BIRC6: variants seen among roughly 807,000 people sequenced by gnomAD.
BIRC6 encodes baculoviral IAP repeat containing 6.
In BIRC6, 98 loss-of-function variants were observed where a neutral mutation model predicts 503.3. That is an observed-to-expected ratio of 0.19 (90% CI 0.17 to 0.23). The LOEUF is 0.23. BIRC6 is among the 10% of genes least tolerant of loss of function. BIRC6 has a pLI of 1.00. For synonymous variants in BIRC6, 2,240 were observed against 2,078.7 expected (o/e 1.08, Z -2.11); for missense variants, 5,360 against 5,806.0 (o/e 0.92, Z 2.50).
intron 53 of BIRC6, 49 bp from the exon 54 acceptor site, chr2:32,512,884 C>A (rs1296572833): frequency 6.9e-7 from 1 of 1,442,338 alleles, no homozygotes; most frequent in Non-Finnish European, 9.7e-7. Flanking sequence ...ATATGAAATG[C>A]CAATTGCACT....
intron 45 of BIRC6, among the ~76,000 whole-genome samples, chr2:32,497,028 A>G (rs1048439395): frequency 4.6e-5 from 7 of 152,186 alleles, no homozygotes; most frequent in African/African-American, 1.7e-4. Flanking sequence ...TAGATATGTG[A>G]TAGTAAGTTG....
At chr2:32,421,259 A>G (rs2042930083) in intron 10 of BIRC6, among the ~76,000 whole-genome samples, 1 of 151,662 alleles carries the variant, frequency 6.6e-6, no homozygotes, top group Admixed American at 6.6e-5. Context: ...GGCCCGAGCC[A>G]CCACGCCCAG....
intron 60 of BIRC6, among the ~76,000 whole-genome samples, chr2:32,530,878 A>C (rs2056687916): frequency 1.3e-5 from 2 of 152,212 alleles, no homozygotes; most frequent in African/African-American, 4.8e-5. Context: ...AGTTAAACTA[A>C]TATGGTATAA....
At chr2:32,397,693 TACACAC>T (rs148310332) in intron 6 of BIRC6, among the ~76,000 whole-genome samples, 22 of 144,722 alleles carry the variant, frequency 1.5e-4, no homozygotes, top group Admixed American at 6.2e-4. Flanking sequence ...CATATATATG[TACACAC>T]ACACACACAC....
In BIRC6 at chr2:32,618,090, G is replaced by A; in HGVS notation, c.*186G>A. ...CCTGTACAGGAGTGTAAACTTTTTT[G>A]TGCTTTTATTTTTCAATTGTGAGAA... On this transcript the variant is annotated 3_prime_UTR_variant, in exon 74 of 74. Coordinates refer to ENST00000421745, the MANE Select transcript of BIRC6 (RefSeq NM_016252.4). 1 of 506,000 alleles carries A rather than the reference G, an allele frequency of 2.0e-6. No homozygotes were observed. Among genetic ancestry groups the A allele is most frequent in the Non-Finnish European group, 3.2e-6 (1 of 312,422 alleles). 31.3% of individuals were successfully genotyped at this position (506,000 alleles called of 1,614,324 possible).
At chr2:32,414,668 AAAATAAAT>A (rs376508242) in intron 9 of BIRC6, 93 bp from the exon 10 acceptor site, 10 of 934,488 alleles carry the variant, frequency 1.1e-5, no homozygotes, top group South Asian at 6.4e-5. Context: ...ATTTGTCTCA[AAAATAAAT>A]AAATAAATAA....
chr2:32,481,287 T>C, intron 37 of BIRC6, 33 bp from the exon 38 acceptor site: 1 of 1,495,064 alleles, frequency 6.7e-7, no homozygotes, highest in Middle Eastern at 1.8e-4. Context: ...TGTGATACAC[T>C]CCACCAATAA....
At chr2:32,420,482 G>C (rs182368752) in intron 10 of BIRC6, among the ~76,000 whole-genome samples, 114 of 152,096 alleles carry the variant, frequency 7.5e-4, no homozygotes, top group African/African-American at 2.7e-3. Flanking sequence ...TTAGCGTAAA[G>C]AATTTCATAA....
chr2:32,581,754 T>C (rs924185149), intron 66 of BIRC6, among the ~76,000 whole-genome samples: 13 of 152,220 alleles, frequency 8.5e-5, no homozygotes, highest in African/African-American at 3.1e-4. Context: ...AATGAAACAC[T>C]GGAAAAATAA....
intron 1 of BIRC6, among the ~76,000 whole-genome samples, chr2:32,372,510 G>A (rs116501022): frequency 6.5e-4 from 99 of 151,966 alleles, no homozygotes; most frequent in African/African-American, 2.3e-3. Context: ...GTATTCCATC[G>A]TATTGATGCA....
chr2:32,518,229 C>G, intron 55 of BIRC6, 25 bp from the exon 56 acceptor site: 1 of 1,598,108 alleles, frequency 6.3e-7, no homozygotes, highest in Non-Finnish European at 8.5e-7. Flanking sequence ...TTGCATTTAA[C>G]TTTTTAAATA....
At chr2:32,397,003 C>T (rs1321002531) in intron 6 of BIRC6, among the ~76,000 whole-genome samples, 5 of 152,050 alleles carry the variant, frequency 3.3e-5, no homozygotes, top group African/African-American at 1.2e-4. Flanking sequence ...GTTGGGATTA[C>T]AGGCGTGAGC....
chr2:32,397,628 A>ATG lies in BIRC6; in HGVS notation c.1034+2037_1034+2038dup, dbSNP rs1553396756. ...TGTATATATGTGTGTATATATATATATGTATATATATACACACACACACAC... is the reference window on the plus strand; with the variant it reads ...TGTATATATGTGTGTATATATATATATGTGTATATATATACACACACACACAC... On this transcript the variant is annotated intron_variant, in intron 6 of 73. Transcript: ENST00000421745. Among the ~76,000 whole-genome samples, 1,052 of 138,390 alleles carry ATG rather than the reference A, an allele frequency of 7.6e-3. 9 individuals are homozygous for ATG. The highest frequency in any genetic ancestry group is 0.025 in the Middle Eastern group (6 of 244). The allele number at this position is 138,390 out of a possible 152,430, so 90.8% of individuals were successfully genotyped here.
At chr2:32,454,041 ATTGCTGTTAAG>A in intron 23 of BIRC6, 99 bp downstream of exon 23, 1 of 1,041,294 alleles carries the variant, frequency 9.6e-7, no homozygotes, top group Non-Finnish European at 1.3e-6. Context: ...TGTAATTTTC[ATTGCTGTTAAG>A]TGGAAATTTA....
intron 72 of BIRC6, among the ~76,000 whole-genome samples, chr2:32,610,683 C>A (rs1017949166): frequency 1.3e-5 from 2 of 152,146 alleles, no homozygotes; most frequent in Admixed American, 6.6e-5. Context: ...GGTCTCTGGA[C>A]AGGATTAATT....
intron 3 of BIRC6, among the ~76,000 whole-genome samples, chr2:32,388,081 C>T (rs959343516): frequency 6.6e-6 from 1 of 152,018 alleles, no homozygotes; most frequent in African/African-American, 2.4e-5. Context: ...ATTCTTTTAG[C>T]AATTTTGAAA....
intron 45 of BIRC6, 89 bp from the exon 46 acceptor site, chr2:32,499,458 C>A: frequency 8.5e-7 from 1 of 1,176,432 alleles, no homozygotes; most frequent in Non-Finnish European, 1.2e-6. Context: ...ACTTTCAGAA[C>A]TACTTAAAAT....
chr2:32,468,387 A>C, intron 28 of BIRC6, 50 bp from the exon 29 acceptor site: 1 of 1,401,230 alleles, frequency 7.1e-7, no homozygotes, highest in South Asian at 1.4e-5. Context: ...GTACATGTAC[A>C]TAAAGAGGAC....
At chr2:32,519,808 G>A (rs1426416061) in intron 57 of BIRC6, among the ~76,000 whole-genome samples, 6 of 152,136 alleles carry the variant, frequency 3.9e-5, no homozygotes, top group Non-Finnish European at 7.4e-5. Flanking sequence ...GTGAGCTACC[G>A]CGCCTGGCCC....
Sources: gnomAD v4.1 joint callset for allele counts (sites outside exome capture counted in the v4.1 genomes callset) on GRCh38, gnomAD v4.1.1 for gene constraint, MANE v1.5 for transcripts, NCBI Gene and HGNC (gene_info 2026-07-23, HGNC 2026-07-21) for gene names.